DLGAP1: variants seen among roughly 807,000 people sequenced by gnomAD.
DLGAP1 encodes disks large-associated protein 1.
DLGAP1 carries 11 observed loss-of-function variants against 90.8 expected under a neutral mutation model. The observed-to-expected ratio is 0.12, with a 90% CI of 0.08 to 0.20. The LOEUF (loss-of-function observed/expected upper bound fraction) is 0.20, where lower values mean the gene tolerates loss of function less well. Ranked by LOEUF, DLGAP1 falls within the 10% of genes least tolerant of loss-of-function variation. DLGAP1 has a pLI of 1.00. For synonymous variants in DLGAP1, 558 were observed against 540.7 expected (o/e 1.03, Z -0.44); for missense variants, 1,050 against 1,333.8 (o/e 0.79, Z 3.31).
intron 5 of DLGAP1, among the ~76,000 whole-genome samples, chr18:3,802,654 T>C (rs2148340535): frequency 6.6e-6 from 1 of 152,344 alleles, no homozygotes; most frequent in South Asian, 2.1e-4. Flanking sequence ...GTAACATACA[T>C]AATGTAATTT....
At chr18:4,183,527 C>T (rs569728123) in intron 1 of DLGAP1, among the ~76,000 whole-genome samples, 1 of 152,084 alleles carries the variant, frequency 6.6e-6, no homozygotes, top group Non-Finnish European at 1.5e-5. Flanking sequence ...ACCTTTTGCA[C>T]TATAATTTAA....
At chr18:4,077,446 G>A (rs934938326) in intron 2 of DLGAP1, among the ~76,000 whole-genome samples, 4 of 152,116 alleles carry the variant, frequency 2.6e-5, no homozygotes, top group Non-Finnish European at 5.9e-5. Flanking sequence ...AAGGTGTCTG[G>A]GCCATGGGGG....
At chr18:3,897,168 AC>A (rs1448490297) in intron 3 of DLGAP1, 1 of 152,172 alleles carries the variant, frequency 6.6e-6, no homozygotes, top group African/African-American at 2.4e-5. Context: ...TATAGGAGTG[AC>A]CGTTATGATA....
chr18:4,328,925 TC>T (rs2080886733), intron 1 of DLGAP1, among the ~76,000 whole-genome samples: 1 of 152,028 alleles, frequency 6.6e-6, no homozygotes, highest in African/African-American at 2.4e-5. Flanking sequence ...AGTTCTTATA[TC>T]TACTAGATAT....
chr18:4,114,545 T>C (rs544096671), intron 2 of DLGAP1, among the ~76,000 whole-genome samples: 42 of 152,268 alleles, frequency 2.8e-4, no homozygotes, highest in African/African-American at 9.4e-4. Context: ...TAGGATCTTA[T>C]CGTCAGTGAA....
intron 4 of DLGAP1, among the ~76,000 whole-genome samples, chr18:3,858,417 T>C (rs1880582267): frequency 1.3e-5 from 2 of 151,840 alleles, no homozygotes; most frequent in African/African-American, 4.8e-5. Context: ...TAATCTGAAA[T>C]ATACTTAGTG....
At chr18:4,439,803 T>C (rs551463343) in intron 1 of DLGAP1, among the ~76,000 whole-genome samples, 12 of 149,578 alleles carry the variant, frequency 8.0e-5, no homozygotes, top group African/African-American at 2.5e-4. Context: ...GAGTGAGATT[T>C]TGTCTGTAAA....
chr18:4,267,655 G>C (rs1250254316), intron 1 of DLGAP1, among the ~76,000 whole-genome samples: 1 of 152,172 alleles, frequency 6.6e-6, no homozygotes, highest in African/African-American at 2.4e-5. Flanking sequence ...CCAATTTGAG[G>C]TTTGGGATTG....
chr18:3,502,716 T>A, intron 11 of DLGAP1, 71 bp from the exon 12 acceptor site: 1 of 1,503,952 alleles, frequency 6.6e-7, no homozygotes, highest in Non-Finnish European at 9.0e-7. Flanking sequence ...AAAAAGGCAT[T>A]TTCAAATATT....
At chr18:4,196,910 C>T (rs992925153) in intron 1 of DLGAP1, among the ~76,000 whole-genome samples, 1 of 151,936 alleles carries the variant, frequency 6.6e-6, no homozygotes, top group Non-Finnish European at 1.5e-5. Context: ...GAGTGGCTCA[C>T]GCCTATAATC....
At chr18:3,647,622 C>A (rs755111660) in intron 7 of DLGAP1, among the ~76,000 whole-genome samples, 3 of 152,034 alleles carry the variant, frequency 2.0e-5, no homozygotes, top group African/African-American at 7.2e-5. Flanking sequence ...TGTGCCACCA[C>A]GCCTGGCTAA....
At chr18:3,939,970 T>C (rs1318451814) in intron 3 of DLGAP1, among the ~76,000 whole-genome samples, 1 of 152,218 alleles carries the variant, frequency 6.6e-6, no homozygotes, top group Non-Finnish European at 1.5e-5. Flanking sequence ...TTCATGCACC[T>C]GTTTAGTTCT....
At chr18:4,420,998 G>A (rs1007766518) in intron 1 of DLGAP1, among the ~76,000 whole-genome samples, 1 of 152,104 alleles carries the variant, frequency 6.6e-6, no homozygotes, top group Non-Finnish European at 1.5e-5. Flanking sequence ...TTTTTCCCTT[G>A]AAACTATTAT....
chr18:4,120,788 C>T (rs941349116), intron 2 of DLGAP1, among the ~76,000 whole-genome samples: 8 of 151,826 alleles, frequency 5.3e-5, no homozygotes, highest in Non-Finnish European at 1.2e-4. Context: ...CTCTCTCCCT[C>T]TCCCTCCCTC....
intron 7 of DLGAP1, among the ~76,000 whole-genome samples, chr18:3,639,401 G>GAAAAGAAAAGAAAAGA (rs1555611509): frequency 6.7e-6 from 1 of 149,568 alleles, no homozygotes; most frequent in Admixed American, 6.7e-5. Context: ...GAAAAGAAAA[G>GAAAAGAAAAGAAAAGA]AAAAATCCCC....
At chr18:4,031,491 C>T (rs1214884026) in intron 2 of DLGAP1, among the ~76,000 whole-genome samples, 1 of 152,128 alleles carries the variant, frequency 6.6e-6, no homozygotes, top group Admixed American at 6.5e-5. Flanking sequence ...TTTTGTTCGC[C>T]CAAAAGCAGT....
At chr18:3,840,224 G>A (rs1479980472) in intron 4 of DLGAP1, among the ~76,000 whole-genome samples, 1 of 151,950 alleles carries the variant, frequency 6.6e-6, no homozygotes, top group African/African-American at 2.4e-5. Context: ...TATTCTTTTG[G>A]CTGTTGCATC....
intron 4 of DLGAP1, among the ~76,000 whole-genome samples, chr18:3,830,840 T>C (rs796902334): frequency 2.0e-5 from 3 of 152,346 alleles, no homozygotes; most frequent in African/African-American, 7.2e-5. Context: ...CAGAGACCAA[T>C]ATTCATTCCT....
At chr18:3,902,146 A>C (rs184560686) in intron 3 of DLGAP1, among the ~76,000 whole-genome samples, 46 of 152,304 alleles carry the variant, frequency 3.0e-4, no homozygotes, top group African/African-American at 1.1e-3. Flanking sequence ...CAGAGCAGAA[A>C]AAATTGATTG....
Sources: allele counts gnomAD v4.1 joint callset (sites outside exome capture counted in the v4.1 genomes callset), GRCh38; gene constraint gnomAD v4.1.1; transcripts MANE v1.5; gene names NCBI Gene and HGNC (gene_info 2026-07-23, HGNC 2026-07-21).